The following SCAF11 variants were observed in gnomAD, a reference collection of about 807,000 sequenced individuals.
The protein encoded by SCAF11 is SR-related CTD associated factor 11.
Under a neutral mutation model 140.5 loss-of-function variants are expected in SCAF11, and 47 were observed. That is an observed-to-expected ratio of 0.33 (90% CI 0.26 to 0.43). The LOEUF (loss-of-function observed/expected upper bound fraction) is 0.43, where lower values mean the gene tolerates loss of function less well. Among genes scored for constraint, SCAF11 ranks in the 20% least tolerant of loss-of-function variants. SCAF11 has a pLI of 1.00. For missense variants in SCAF11, 1,645 were observed against 1,705.1 expected (o/e 0.96, Z 0.62); for synonymous variants, 557 against 579.4 (o/e 0.96, Z 0.55).
chr12:45,962,145 C>T (rs1212119083), intron 2 of SCAF11, among the ~76,000 whole-genome samples: 4 of 152,032 alleles, frequency 2.6e-5, no homozygotes, highest in Non-Finnish European at 5.9e-5. Context: ...CAAATTTATC[C>T]CCATCCAGTT....
In SCAF11 at chr12:45,928,230, C is replaced by G; in HGVS notation, c.1471G>C (p.Glu491Gln). 1.2e-6 allele frequency: 2 copies of G among 1,614,002 alleles called. No individual in the cohort carries two copies. The highest frequency in any genetic ancestry group is 1.7e-6 in the Non-Finnish European group (2 of 1,180,008). Residue 491 changes from glutamate to glutamine, a missense_variant, in exon 11 of 15, where the codon GAA (glutamate) becomes CAA (glutamine). Transcript: ENST00000369367. ...CCTGTATTCTCGAGTTTTTTAACTTCCCCTTCCTCACCAACTAGCACAGGA... is the reference window on the plus strand; with the variant it reads ...CCTGTATTCTCGAGTTTTTTAACTTGCCCTTCCTCACCAACTAGCACAGGA... Reference protein sequence around the residue: ...DLPVLVGEEGEVKKLENTGIE... With the variant: ...DLPVLVGEEGQVKKLENTGIE...
chr12:45,980,159 C>CTGGCT (rs540106671), intron 1 of SCAF11, among the ~76,000 whole-genome samples: 118 of 152,304 alleles, frequency 7.7e-4, no homozygotes, highest in Non-Finnish European at 1.4e-3. Flanking sequence ...AGTAGTAGGA[C>CTGGCT]TGGAACCCAT....
intron 9 of SCAF11, among the ~76,000 whole-genome samples, chr12:45,932,404 G>A (rs1354113885): frequency 2.0e-5 from 3 of 151,980 alleles, no homozygotes; most frequent in Admixed American, 6.6e-5. Flanking sequence ...AATGTAACTT[G>A]TACATGTATA....
Position 45,931,602 on chromosome 12 carries a change from T to A in SCAF11, c.745A>T (p.Ile249Leu). ...ACTTCTGTTTCAACATTCCAGGGTA[T>A]AAAACCAATTCTGAAAACATAATAA... Reference protein sequence around the residue: ...TLPGIGRIGFIPWNVETEVLP... With the variant: ...TLPGIGRIGFLPWNVETEVLP... The change falls in exon 10 of 15, where the codon ATA becomes TTA. Residue 249 changes from isoleucine to leucine, a missense_variant. Ile to Leu is a conservative substitution (Grantham distance 5, BLOSUM62 2). Transcript: ENST00000369367. The A allele has an allele frequency of 6.6e-7, 1 of 1,504,976 alleles. No homozygotes were observed. The highest frequency in any genetic ancestry group is 8.8e-7 in the Non-Finnish European group (1 of 1,130,926). 93.2% of individuals were successfully genotyped at this position (1,504,976 alleles called of 1,614,324 possible). A position where few individuals can be genotyped will look rare whatever the true frequency, so the allele number is the denominator to read the frequency against.
At chr12:45,980,047 G>A (rs1179636490) in intron 1 of SCAF11, among the ~76,000 whole-genome samples, 2 of 152,068 alleles carry the variant, frequency 1.3e-5, no homozygotes, top group East Asian at 1.9e-4. Context: ...AACAGGTCAC[G>A]AATGATCTCA....
intron 1 of SCAF11, among the ~76,000 whole-genome samples, chr12:45,983,964 G>C (rs756679705): frequency 3.4e-4 from 52 of 152,138 alleles, no homozygotes; most frequent in Non-Finnish European, 6.3e-4. Flanking sequence ...TAAAGATTGA[G>C]AACACTTTTA....
chr12:45,923,491 G>C (rs542428300), intron 12 of SCAF11, among the ~76,000 whole-genome samples: 1 of 152,100 alleles, frequency 6.6e-6, no homozygotes, highest in Admixed American at 6.5e-5. Flanking sequence ...ATATTAAAGT[G>C]CCCTCACTTT....
intron 1 of SCAF11, among the ~76,000 whole-genome samples, chr12:45,966,377 AG>A (rs1455755523): frequency 6.6e-6 from 1 of 151,720 alleles, no homozygotes; most frequent in Non-Finnish European, 1.5e-5. Context: ...AGAATACTAT[AG>A]GTATACTAGG....
intron 1 of SCAF11, among the ~76,000 whole-genome samples, chr12:45,980,988 T>G (rs1946335909): frequency 6.6e-6 from 1 of 152,210 alleles, no homozygotes; most frequent in Non-Finnish European, 1.5e-5. Flanking sequence ...TAGTTTGTTT[T>G]AGGGAAACAG....
chr12:45,991,948 T>C (rs114845390), upstream of SCAF11: 1,826 of 1,289,094 alleles, frequency 1.4e-3, 20 homozygotes, highest in African/African-American at 0.025. Flanking sequence ...CCCGTTCTGT[T>C]CGCGCGTGCT....
At chr12:45,978,110 A>G (rs1473461823) in intron 1 of SCAF11, among the ~76,000 whole-genome samples, 1 of 152,186 alleles carries the variant, frequency 6.6e-6, no homozygotes, top group Non-Finnish European at 1.5e-5. Flanking sequence ...ATAGTTTACC[A>G]TGAGAGTCTG....
chr12:45,942,583 T>C (rs1423361061), intron 6 of SCAF11, among the ~76,000 whole-genome samples: 1 of 152,132 alleles, frequency 6.6e-6, no homozygotes, highest in Non-Finnish European at 1.5e-5. Context: ...CCACACTAAC[T>C]TCCTTGCTAT....
chr12:45,950,705 C>A (rs1481925991), intron 4 of SCAF11, among the ~76,000 whole-genome samples: 2 of 152,082 alleles, frequency 1.3e-5, no homozygotes, highest in Non-Finnish European at 2.9e-5. Flanking sequence ...GAATTGCAGT[C>A]CTGTTTGTAC....
At position 45,922,051 on chromosome 12, in the gene SCAF11, G is replaced by T. The variant is rs973884387; in HGVS notation, c.4389C>A (p.Gly1463=). The stretch of plus-strand genomic sequence containing the variant: ...GTCCTTGACAGCGTTCCCCATTTCA[G>T]CCTATGTTTTTTTCAGTAGACACAG... ...EEPVSTEKNI[G] Residue 1463 remains glycine, a synonymous_variant, in exon 15 of 15, where the codon GGC becomes GGA. Transcript: ENST00000369367. The T allele has an allele frequency of 6.2e-6, 10 of 1,609,496 alleles. No individual in the cohort carries two copies. Among genetic ancestry groups the T allele is most frequent in the Non-Finnish European group, 8.5e-6 (10 of 1,178,896 alleles).
In SCAF11 at chr12:45,928,700, T is replaced by C. The variant is rs1944963327; in HGVS notation, c.1001A>G (p.Gln334Arg). Residue 334 changes from glutamine to arginine, a missense_variant, in exon 11 of 15, where the codon CAG becomes CGG. By Grantham distance (43) the Gln-to-Arg change is conservative. This residue lies in a region of SCAF11 where 1,582 missense variants were observed against 1,609.2 expected (regional missense o/e 0.98). Coordinates refer to ENST00000369367, the MANE Select transcript of SCAF11 (RefSeq NM_004719.3). ...GTCTGATATTGGGGATCTCTGAGACTGACTGGCTGTTTCAGCTCTTGTGTT... is the reference window on the plus strand; with the variant it reads ...GTCTGATATTGGGGATCTCTGAGACCGACTGGCTGTTTCAGCTCTTGTGTT... ...TRNTRAETAS[Q>R]SQRSPISDNS... The C allele has an allele frequency of 6.2e-7, 1 of 1,614,124 alleles. No individual in the cohort carries two copies. Among genetic ancestry groups the C allele is most frequent in the East Asian group, 2.2e-5 (1 of 44,882 alleles).
intron 12 of SCAF11, 95 bp downstream of exon 12, chr12:45,924,633 T>A: frequency 1.0e-6 from 1 of 973,588 alleles, no homozygotes; most frequent in Non-Finnish European, 1.5e-6. Context: ...ACAATTGTTT[T>A]TGAATGCCAG....
At chr12:45,957,783 C>A (rs1945727811) in intron 3 of SCAF11, among the ~76,000 whole-genome samples, 1 of 152,184 alleles carries the variant, frequency 6.6e-6, no homozygotes. Context: ...TTCCATTAAA[C>A]ATTGTTAAGA....
intron 13 of SCAF11, 26 bp downstream of exon 13, chr12:45,922,909 GA>G: frequency 6.3e-7 from 1 of 1,576,352 alleles, no homozygotes; most frequent in Non-Finnish European, 8.7e-7. Flanking sequence ...ACAGAATTAT[GA>G]AGGTTGCTCT....
chr12:45,922,875 G>A (rs1036958517), intron 13 of SCAF11, 61 bp downstream of exon 13: 2 of 1,454,850 alleles, frequency 1.4e-6, no homozygotes, highest in African/African-American at 2.8e-5. Flanking sequence ...ATAAAAAGCT[G>A]ATATTTTTTC....
Sources: gnomAD v4.1 joint callset for allele counts (sites outside exome capture counted in the v4.1 genomes callset) on GRCh38, gnomAD v4.1.1 for gene constraint, gnomAD v4.1.1 regional missense constraint, MANE v1.5 for transcripts, NCBI Gene and HGNC (gene_info 2026-07-23, HGNC 2026-07-21) for gene names.